The following UBE2L6 variants were observed in gnomAD, a reference collection of about 807,000 sequenced individuals.
UBE2L6 encodes the protein ubiquitin/ISG15-conjugating enzyme E2 L6.
In UBE2L6, 11 loss-of-function variants were observed where a neutral mutation model predicts 13.6. That is an observed-to-expected ratio of 0.81 (90% CI 0.51 to 1.34). UBE2L6 has a LOEUF of 1.34. UBE2L6 is among the 40% of genes most tolerant of loss of function. UBE2L6 has a pLI of 0.00. For synonymous variants in UBE2L6, 74 were observed against 83.2 expected (o/e 0.89, Z 0.60); for missense variants, 197 against 199.5 (o/e 0.99, Z 0.07).
rs1205749878 is a variant in UBE2L6 at position 57,566,878 on chromosome 11, C to T, written c.27+707G>A. 4 of 412,050 alleles carry T rather than the reference C, an allele frequency of 9.7e-6. No homozygotes were observed. In the East Asian group the frequency reaches 2.9e-4, roughly 29 times the overall value. 25.5% of individuals were successfully genotyped at this position (412,050 alleles called of 1,614,324 possible). ...CTGCCCCCTCCCCATCCTTCCAGAT[C>T]TTATTTCAAATTGTGTCCCTGATAG... On this transcript the variant is annotated intron_variant, in intron 1 of 3. Coordinates refer to ENST00000287156, the MANE Select transcript of UBE2L6 (RefSeq NM_004223.5).
chr11:57,559,308 A>G (rs1945020382), intron 2 of UBE2L6, among the ~76,000 whole-genome samples: 1 of 152,154 alleles, frequency 6.6e-6, no homozygotes, highest in Non-Finnish European at 1.5e-5. Flanking sequence ...AGGCCACTGC[A>G]TTGTCAATAA....
chr11:57,565,922 C>T (rs538581448), intron 1 of UBE2L6, among the ~76,000 whole-genome samples: 6 of 148,760 alleles, frequency 4.0e-5, no homozygotes, highest in Admixed American at 3.4e-4. Context: ...CTCTGCCTTA[C>T]CCCCACCCCC....
chr11:57,560,585 G>A, intron 1 of UBE2L6, 153 bp from the exon 2 acceptor site: 1 of 600,808 alleles, frequency 1.7e-6, no homozygotes, highest in Non-Finnish European at 3.0e-6. Context: ...TGAGCACTTA[G>A]TATGTATCAG....
chr11:57,552,337 C>T lies in UBE2L6; in HGVS notation c.*21G>A. On this transcript the variant is annotated 3_prime_UTR_variant, in exon 4 of 4. Transcript: ENST00000287156. ...CGTCCGCTATGCCGAGGATCCAGTGCACAGAGGGTCAGAACATGAGTTAGG... is the reference window on the plus strand; with the variant it reads ...CGTCCGCTATGCCGAGGATCCAGTGTACAGAGGGTCAGAACATGAGTTAGG... The T allele has an allele frequency of 6.2e-7, 1 of 1,613,678 alleles. No individual in the cohort carries two copies.
At chr11:57,552,569 C>T (rs1373801370) in intron 3 of UBE2L6, 60 bp from the exon 4 acceptor site, 5 of 1,600,314 alleles carry the variant, frequency 3.1e-6, no homozygotes, top group African/African-American at 1.3e-5. Context: ...CATGGCTGCC[C>T]GTTCCCAATG....
Position 57,552,438 on chromosome 11 carries a change from G to C in UBE2L6, c.382C>G (p.Leu128Val), listed in dbSNP as rs1423298118. 2 of 1,614,178 alleles carry C rather than the reference G, an allele frequency of 1.2e-6. No individual in the cohort carries two copies. The highest frequency in any genetic ancestry group is 2.2e-5 in the South Asian group (2 of 91,082). The stretch of plus-strand genomic sequence containing the variant: ...AACAGCTCCGGATTCTGTGTCAGCA[G>C]GTCAGCGAGGTCCATCCGCAGGGGC... The part of the protein sequence containing the change: ...REPLRMDLAD[L>V]LTQNPELFRK... The change falls in exon 4 of 4, where the codon CTG becomes GTG. Residue 128 changes from leucine to valine, a missense_variant. Physicochemically the swap from Leu to Val is conservative, Grantham distance 32. Transcript: ENST00000287156.
chr11:57,564,496 T>G (rs1945070577), intron 1 of UBE2L6, among the ~76,000 whole-genome samples: 1 of 152,158 alleles, frequency 6.6e-6, no homozygotes, highest in Admixed American at 6.6e-5. Flanking sequence ...TAAAAAAATT[T>G]TAATGAGCAA....
rs563588884 is a variant in UBE2L6, at chr11:57,563,156, A to G, written c.28-2724T>C. Among the ~76,000 whole-genome samples the G allele has an allele frequency of 1.1e-4, 16 of 152,248 alleles. No individual in the cohort carries two copies. The South Asian group carries it at 1.5e-3, about 14-fold the overall frequency. ...ATCAACAAATTTAACAAATAAATTG[A>G]AATAATTAAAAAGAATCAAGGAGAA... On this transcript the variant is annotated intron_variant, in intron 1 of 3. Transcript: ENST00000287156.
intron 1 of UBE2L6, among the ~76,000 whole-genome samples, chr11:57,562,300 C>T (rs1945053585): frequency 6.6e-6 from 1 of 152,218 alleles, no homozygotes; most frequent in South Asian, 2.1e-4. Flanking sequence ...GCCAGCTTAG[C>T]TGCAGTAGCA....
intron 3 of UBE2L6, among the ~76,000 whole-genome samples, chr11:57,553,234 C>G: frequency 6.6e-6 from 1 of 152,244 alleles, no homozygotes; most frequent in Non-Finnish European, 1.5e-5. Flanking sequence ...TGGCTCACGC[C>G]TGTAATCCCA....
chr11:57,559,292 C>G (rs914146060), intron 2 of UBE2L6, among the ~76,000 whole-genome samples: 1 of 152,098 alleles, frequency 6.6e-6, no homozygotes, highest in Non-Finnish European at 1.5e-5. Flanking sequence ...GAAGACGACA[C>G]AACCTAGGCC....
intron 1 of UBE2L6, among the ~76,000 whole-genome samples, chr11:57,566,839 C>G (rs767802194): frequency 2.6e-5 from 4 of 152,124 alleles, no homozygotes; most frequent in Non-Finnish European, 5.9e-5. Context: ...GGTTTTCCCA[C>G]CTTCTGGAGG....
intron 2 of UBE2L6, among the ~76,000 whole-genome samples, chr11:57,556,735 A>G (rs1945000852): frequency 6.6e-6 from 1 of 152,110 alleles, no homozygotes; most frequent in Admixed American, 6.6e-5. Flanking sequence ...GCCTCAGAGC[A>G]GGATGGGAGG....
Position 57,554,490 on chromosome 11 carries a change from C to T in UBE2L6, c.257G>A (p.Cys86Tyr). ...GTTCTCACTGCTGATGATGGGCAGG[C>T]AAATCTGTCCGTTCTCGTCCACGTT... ...HPNVDENGQICLPIISSENWK... is the reference protein window; with the variant it reads ...HPNVDENGQIYLPIISSENWK... Residue 86 changes from cysteine (C) to tyrosine (Y), a missense_variant, in exon 3 of 4, where the codon TGC becomes TAC. Transcript: ENST00000287156. 2.5e-6 allele frequency: 4 copies of T among 1,614,154 alleles called. No homozygotes were observed. The South Asian group carries it at 4.4e-5, about 18-fold the overall frequency.
At chr11:57,567,522 G>T in intron 1 of UBE2L6, 63 bp downstream of exon 1, 1 of 1,586,382 alleles carries the variant, frequency 6.3e-7, no homozygotes, top group Non-Finnish European at 8.6e-7. Flanking sequence ...AGGGGATGGA[G>T]GGAGGAGGGA....
chr11:57,560,475 T>C, intron 1 of UBE2L6, 43 bp from the exon 2 acceptor site: 1 of 1,457,468 alleles, frequency 6.9e-7, no homozygotes, highest in Non-Finnish European at 9.6e-7. Flanking sequence ...CTAGTCCTCC[T>C]TATTTCAGCC....
chr11:57,553,877 C>T (rs931295547), intron 3 of UBE2L6, among the ~76,000 whole-genome samples: 2 of 152,166 alleles, frequency 1.3e-5, no homozygotes, highest in South Asian at 2.1e-4. Context: ...ATGTGGCTTG[C>T]GAGTCAGCCA....
Position 57,552,368 on chromosome 11 carries a change from C to T in UBE2L6, c.452G>A (p.Arg151Gln), listed in dbSNP as rs1944965478. 5.0e-6 allele frequency: 8 copies of T among 1,614,126 alleles called. No homozygotes were observed. Among genetic ancestry groups the T allele is most frequent in the East Asian group, 2.2e-5 (1 of 44,878 alleles). Residue 151 changes from arginine (R) to glutamine (Q), a missense_variant, in exon 4 of 4, where the codon CGG (arginine) becomes CAG (glutamine). Physicochemically the swap from Arg to Gln is conservative, Grantham distance 43. Transcript: ENST00000287156. ...EEFTLRFGVDRPS is the reference protein window; with the variant it reads ...EEFTLRFGVDQPS Reference sequence around the variant, plus strand: ...GGGTCAGAACATGAGTTAGGAGGGCCGGTCCACTCCGAATCGGAGGGTGAA... The same window carrying T: ...GGGTCAGAACATGAGTTAGGAGGGCTGGTCCACTCCGAATCGGAGGGTGAA...
At chr11:57,564,404 G>A (rs1945069678) in intron 1 of UBE2L6, among the ~76,000 whole-genome samples, 1 of 152,192 alleles carries the variant, frequency 6.6e-6, no homozygotes, top group South Asian at 2.1e-4. Context: ...GACTTTCCCA[G>A]ACAAACAAAA....
Sources: gnomAD v4.1 joint callset for allele counts (sites outside exome capture counted in the v4.1 genomes callset) on GRCh38, gnomAD v4.1.1 for gene constraint, MANE v1.5 for transcripts, NCBI Gene and HGNC (gene_info 2026-07-23, HGNC 2026-07-21) for gene names.